The following DAGLB variants were observed in gnomAD, a reference collection of about 807,000 sequenced individuals.
DAGLB encodes diacylglycerol lipase beta.
Under a neutral mutation model 72.1 loss-of-function variants are expected in DAGLB, and 66 were observed. The observed-to-expected ratio is 0.92, with a 90% confidence interval of 0.75 to 1.12. DAGLB has a LOEUF of 1.12. Ranked by LOEUF, DAGLB falls within the 50% of genes most tolerant of loss-of-function variation. The pLI is 0.00. For missense variants in DAGLB, 1,065 were observed against 884.9 expected (o/e 1.20, Z -2.58); for synonymous variants, 414 against 359.5 (o/e 1.15, Z -1.71).
intron 6 of DAGLB, 39 bp from the exon 7 acceptor site, chr7:6,426,153 C>T: frequency 1.2e-6 from 2 of 1,609,098 alleles, no homozygotes; most frequent in Non-Finnish European, 1.7e-6. Context: ...CCGAACAGAG[C>T]CACTTGGCAA....
intron 6 of DAGLB, among the ~76,000 whole-genome samples, chr7:6,427,149 A>C (rs994274983): frequency 7.9e-5 from 12 of 152,134 alleles, no homozygotes; most frequent in African/African-American, 2.9e-4. Flanking sequence ...TAAAAATAAA[A>C]ACTAAAAAAA....
intron 8 of DAGLB, 189 bp from the exon 9 acceptor site, chr7:6,421,993 C>A: frequency 1.4e-6 from 1 of 694,194 alleles, no homozygotes; most frequent in Non-Finnish European, 2.6e-6. Context: ...GCCCTGATGG[C>A]ACGACCAGCT....
At chr7:6,414,255 C>G (rs577093174) in intron 11 of DAGLB, among the ~76,000 whole-genome samples, 1 of 151,906 alleles carries the variant, frequency 6.6e-6, no homozygotes, top group Non-Finnish European at 1.5e-5. Context: ...CATGATCTGC[C>G]GGCCTTGGCC....
chr7:6,413,783 T>C (rs1022395218), intron 11 of DAGLB, among the ~76,000 whole-genome samples: 3 of 152,148 alleles, frequency 2.0e-5, no homozygotes, highest in African/African-American at 4.8e-5. Context: ...AGTCACATAA[T>C]AGTGCGTCCC....
At chr7:6,413,109 G>A in intron 11 of DAGLB, 75 bp from the exon 12 acceptor site, 2 of 1,492,746 alleles carry the variant, frequency 1.3e-6, no homozygotes, top group South Asian at 1.2e-5. Flanking sequence ...AAAGAAATCA[G>A]TAACACTGAG....
At chr7:6,435,744 C>G (rs1484704796) in intron 3 of DAGLB, among the ~76,000 whole-genome samples, 1 of 152,170 alleles carries the variant, frequency 6.6e-6, no homozygotes, top group Non-Finnish European at 1.5e-5. Flanking sequence ...ATATTTCACA[C>G]TGCAAGACGC....
chr7:6,435,013 T>A lies in DAGLB; in HGVS notation c.427A>T (p.Ile143Phe), dbSNP rs1281194677. The change falls in exon 4 of 15, where the codon ATC becomes TTC. Residue 143 changes from isoleucine to phenylalanine, a missense_variant. Transcript: ENST00000297056. Reference protein sequence around the residue: ...IIATVVVSWIIIAATVVSIII... With the variant: ...IIATVVVSWIFIAATVVSIII... ...ATGGAAACCACTGTGGCAGCGATGA[T>A]GATCCAACTGCAAGACAGAGAGAGG... 1 of 1,613,170 alleles carries A rather than the reference T, an allele frequency of 6.2e-7. No individual in the cohort carries two copies. The highest frequency in any genetic ancestry group is 1.3e-5 in the African/African-American group (1 of 74,960).
Position 6,416,694 on chromosome 7 carries a change from T to G in DAGLB, c.1360A>C (p.Thr454Pro). The G allele has an allele frequency of 1.9e-6, 3 of 1,613,762 alleles. No homozygotes were observed. The highest frequency in any genetic ancestry group is 2.5e-6 in the Non-Finnish European group (3 of 1,179,868). The change falls in exon 11 of 15, where the codon ACC becomes CCC. Residue 454 changes from threonine to proline, a missense_variant. Physicochemically the swap from Thr to Pro is conservative, Grantham distance 38 (BLOSUM62 -1). Coordinates refer to ENST00000297056, the MANE Select transcript of DAGLB (RefSeq NM_139179.4). ...LGGGAAALLA[T>P]MLRAAYPQVR... is the part of the protein sequence containing the mutation. ...TGCGGGTAGGCGGCTCTGAGCATGG[T>G]GGCCAGCAGGGCGGCCGCCCCGCCC...
rs1368037136 is a variant in DAGLB, at chr7:6,412,643, TA to T, written c.1569+167del. On this transcript the variant is annotated intron_variant, in intron 13 of 14. Coordinates refer to ENST00000297056, the MANE Select transcript of DAGLB (RefSeq NM_139179.4). ...CACTTGCTGCAGCCATTTGCTTTCTTAGACATCACAGAGTCCTAGCCCAGAA... is the reference window on the plus strand; with the variant it reads ...CACTTGCTGCAGCCATTTGCTTTCTTGACATCACAGAGTCCTAGCCCAGAA... 4.8e-5 allele frequency: 36 copies of T among 745,906 alleles called. No homozygotes were observed. In the South Asian group the frequency reaches 6.2e-4, roughly 13 times the overall value. 46.2% of individuals were successfully genotyped at this position (745,906 alleles called of 1,614,324 possible). A position where few individuals can be genotyped will look rare whatever the true frequency, so the allele number is the denominator to read the frequency against.
chr7:6,438,341 A>C (rs1393168402), intron 2 of DAGLB, among the ~76,000 whole-genome samples: 1 of 152,200 alleles, frequency 6.6e-6, no homozygotes, highest in Non-Finnish European at 1.5e-5. Context: ...CATAGAACTT[A>C]AAGTATAAAA....
intron 6 of DAGLB, among the ~76,000 whole-genome samples, chr7:6,430,170 A>C (rs1034488995): frequency 1.3e-5 from 2 of 150,118 alleles, no homozygotes; most frequent in Admixed American, 6.7e-5. Flanking sequence ...ACGCCACTGC[A>C]CTCCAGCCTG....
At chr7:6,440,384 T>C (rs1310132618) in intron 2 of DAGLB, among the ~76,000 whole-genome samples, 1 of 108,832 alleles carries the variant, frequency 9.2e-6, no homozygotes, top group Non-Finnish European at 1.6e-5. Flanking sequence ...AAACTCCGTC[T>C]CCAAAAAAAA....
At chr7:6,427,286 G>A (rs1784344434) in intron 6 of DAGLB, among the ~76,000 whole-genome samples, 1 of 152,090 alleles carries the variant, frequency 6.6e-6, no homozygotes, top group Non-Finnish European at 1.5e-5. Flanking sequence ...GATGTTGCTG[G>A]GAGCCAAGCT....
In DAGLB at chr7:6,429,928, C is replaced by CT. The variant is rs571006970; in HGVS notation, c.929+551_929+552insA. The stretch of plus-strand genomic sequence containing the variant: ...CAGTGGTGGCGGGCGCCTGTAGTCC[C>CT]AGTTACTCGGGAGGCTGAGGCAGGA... On this transcript the variant is annotated intron_variant, in intron 6 of 14. Transcript: ENST00000297056. Among the ~76,000 whole-genome samples the CT allele has an allele frequency of 2.1e-4, 32 of 152,150 alleles. 2 individuals carry two copies. In the South Asian group the frequency reaches 6.4e-3, roughly 31 times the overall value.
chr7:6,442,966 G>T (rs1453341306), intron 2 of DAGLB, among the ~76,000 whole-genome samples: 1 of 149,776 alleles, frequency 6.7e-6, no homozygotes, highest in Admixed American at 6.7e-5. Flanking sequence ...GAGGTCAAGA[G>T]ATGGAGACCA....
At chr7:6,431,438 A>G (rs1784486082) in intron 5 of DAGLB, among the ~76,000 whole-genome samples, 1 of 152,170 alleles carries the variant, frequency 6.6e-6, no homozygotes. Flanking sequence ...TAATGCATAG[A>G]ATTGAACAGC....
intron 2 of DAGLB, 22 bp from the exon 3 acceptor site, chr7:6,436,555 G>T: frequency 6.2e-7 from 1 of 1,613,622 alleles, no homozygotes; most frequent in South Asian, 1.1e-5. Flanking sequence ...AAAACGTTCC[G>T]ACTGCTCAGT....
chr7:6,416,688 G>C lies in DAGLB; in HGVS notation c.1366C>G (p.Leu456Val), dbSNP rs1055430. 0.054 allele frequency: 86,358 copies of C among 1,613,730 alleles called. 2,716 individuals carry two copies. The highest frequency in any genetic ancestry group is 0.063 in the Non-Finnish European group (74,743 of 1,179,830). Residue 456 changes from leucine (L) to valine (V), a missense_variant, in exon 11 of 15, where the codon CTC (leucine) becomes GTC (valine). Leu to Val is a conservative substitution (Grantham distance 32, BLOSUM62 1). Transcript: ENST00000297056. ...GGAAALLATM[L>V]RAAYPQVRCY... ...CTGACCTGCGGGTAGGCGGCTCTGA[G>C]CATGGTGGCCAGCAGGGCGGCCGCC...
At chr7:6,433,282 C>T (rs1426082273) in intron 4 of DAGLB, among the ~76,000 whole-genome samples, 2 of 152,122 alleles carry the variant, frequency 1.3e-5, no homozygotes, top group Non-Finnish European at 2.9e-5. Context: ...ATAAATTGTC[C>T]GTTTTTGTAG....
Sources: gnomAD v4.1 joint callset for allele counts (sites outside exome capture counted in the v4.1 genomes callset) on GRCh38, gnomAD v4.1.1 for gene constraint, MANE v1.5 for transcripts, NCBI Gene and HGNC (gene_info 2026-07-23, HGNC 2026-07-21) for gene names.